Variants in TBC1D5 observed in about 807,000 individuals in gnomAD.
TBC1D5 encodes the protein TBC1 domain family member 5.
Under a neutral mutation model 100.3 loss-of-function variants are expected in TBC1D5, and 75 were observed. The ratio of observed to expected loss-of-function variants is 0.75; its 90% confidence interval spans 0.62 to 0.91. The LOEUF is 0.91. TBC1D5 is among the 40% of genes least tolerant of loss of function. The pLI, the probability that TBC1D5 is intolerant of heterozygous loss-of-function variation, is 0.00. For missense variants in TBC1D5, 910 were observed against 942.4 expected, an observed-to-expected ratio of 0.97 and a Z score of 0.45; for synonymous variants, 323 against 325.6, an observed-to-expected ratio of 0.99 and a Z score of 0.09.
rs113865444 is a variant in TBC1D5, at chr3:17,433,932, G to A, written c.98-5413C>T. ...CCCCATGCAAGTCCAAAATCCAAGA[G>A]GCAGTAATTAAACTGTAAAGTACCA... On this transcript the variant is annotated intron_variant, in intron 3 of 21. Coordinates refer to ENST00000253692, the Ensembl canonical transcript of TBC1D5. 2.2e-3 allele frequency among the ~76,000 whole-genome samples: 332 copies of A among 152,254 alleles called. 3 individuals carry two copies. The highest frequency in any genetic ancestry group is 3.7e-3 in the Non-Finnish European group (249 of 68,014).
chr3:17,675,131 G>A (rs2153794777), intron 1 of TBC1D5, among the ~76,000 whole-genome samples: 1 of 152,094 alleles, frequency 6.6e-6, no homozygotes, highest in African/African-American at 2.4e-5. Flanking sequence ...GTAATTCTAT[G>A]CAACTTTAAG....
At chr3:17,725,715 G>T (rs762547536) in intron 1 of TBC1D5, among the ~76,000 whole-genome samples, 2 of 152,102 alleles carry the variant, frequency 1.3e-5, no homozygotes, top group Non-Finnish European at 1.5e-5. Context: ...CTGGTAATTT[G>T]TTTTTTAATT....
intron 1 of TBC1D5, among the ~76,000 whole-genome samples, chr3:17,654,997 A>C (rs13064990): frequency 9.5e-5 from 14 of 147,666 alleles, no homozygotes; most frequent in African/African-American, 3.4e-4. Flanking sequence ...CTGTGGGATC[A>C]GTGGTGATAT....
intron 1 of TBC1D5, among the ~76,000 whole-genome samples, chr3:17,724,305 G>C (rs2075946485): frequency 6.6e-6 from 1 of 151,998 alleles, no homozygotes; most frequent in African/African-American, 2.4e-5. Flanking sequence ...ATGCTGTCCA[G>C]GTTGGTCTCA....
At chr3:17,261,484 T>TG (rs537766391) in intron 15 of TBC1D5, among the ~76,000 whole-genome samples, 62 of 6,996 alleles carry the variant, frequency 8.9e-3, no homozygotes, top group Non-Finnish European at 0.013. Context: ...TGGGGTGGGG[T>TG]GGGGGGGGAG....
In TBC1D5 at chr3:17,532,488, G is replaced by A. The variant is rs775871888; in HGVS notation, c.-35-23883C>T. ...TGACCCAGCCATCCCATTACTGGGT[G>A]TATACCCAAAGGATTATAAATCATG... is the stretch of plus-strand genomic sequence containing the variant. On this transcript the variant is annotated intron_variant, in intron 2 of 21. Coordinates refer to ENST00000253692, the Ensembl canonical transcript of TBC1D5. 9.5e-4 allele frequency among the ~76,000 whole-genome samples: 145 copies of A among 152,140 alleles called. 1 individual carries two copies. The highest frequency in any genetic ancestry group is 2.9e-3 in the African/African-American group (122 of 41,450).
chr3:17,388,756 G>A (rs1342873035), intron 8 of TBC1D5, among the ~76,000 whole-genome samples: 1 of 151,598 alleles, frequency 6.6e-6, no homozygotes, highest in East Asian at 1.9e-4. Context: ...CCAGCTAATT[G>A]GGAAGCTGAG....
intron 1 of TBC1D5, among the ~76,000 whole-genome samples, chr3:17,712,825 A>G (rs545478188): frequency 6.6e-6 from 1 of 152,240 alleles, no homozygotes; most frequent in Admixed American, 6.5e-5. Flanking sequence ...CCCTGGAATC[A>G]GCATTTTAAG....
intron 2 of TBC1D5, among the ~76,000 whole-genome samples, chr3:17,518,191 C>T (rs1014908914): frequency 6.6e-6 from 1 of 152,144 alleles, no homozygotes; most frequent in Non-Finnish European, 1.5e-5. Flanking sequence ...CCCGACAAAA[C>T]CCCACCTTCA....
chr3:17,274,483 T>TA (rs2079767022), intron 15 of TBC1D5, among the ~76,000 whole-genome samples: 1 of 152,188 alleles, frequency 6.6e-6, no homozygotes, highest in Non-Finnish European at 1.5e-5. Flanking sequence ...GATTATCTTG[T>TA]AAGTGGAATA....
chr3:17,294,461 C>A (rs984642279), intron 14 of TBC1D5, among the ~76,000 whole-genome samples: 2 of 152,114 alleles, frequency 1.3e-5, no homozygotes, highest in East Asian at 3.8e-4. Context: ...GTAGAACAGA[C>A]TGATTTAGAT....
intron 17 of TBC1D5, among the ~76,000 whole-genome samples, chr3:17,214,935 C>T (rs2073444782): frequency 6.6e-6 from 1 of 152,014 alleles, no homozygotes; most frequent in Non-Finnish European, 1.5e-5. Context: ...AGTGCTAAGG[C>T]CCTAATGCAG....
intron 18 of TBC1D5, among the ~76,000 whole-genome samples, chr3:17,197,707 T>C (rs2070887719): frequency 1.3e-5 from 2 of 152,136 alleles, no homozygotes; most frequent in Non-Finnish European, 2.9e-5. Flanking sequence ...TTGCATAGCA[T>C]AGTGATTTTG....
chr3:17,478,680 T>C (rs578096133), intron 3 of TBC1D5, among the ~76,000 whole-genome samples: 2 of 152,320 alleles, frequency 1.3e-5, no homozygotes, highest in African/African-American at 4.8e-5. Context: ...GTTACTTGTC[T>C]TGGCCAAGAA....
chr3:17,289,867 A>G (rs532485232), intron 15 of TBC1D5, among the ~76,000 whole-genome samples: 6 of 152,282 alleles, frequency 3.9e-5, no homozygotes, highest in African/African-American at 1.4e-4. Context: ...CCATATTAAC[A>G]CACGTGTCAA....
At chr3:17,529,907 C>G (rs1453675050) in intron 2 of TBC1D5, among the ~76,000 whole-genome samples, 4 of 152,092 alleles carry the variant, frequency 2.6e-5, no homozygotes, top group Non-Finnish European at 5.9e-5. Context: ...AACGGGTTAA[C>G]TATGCATTTT....
chr3:17,349,079 T>C (rs985592271), intron 13 of TBC1D5, among the ~76,000 whole-genome samples: 10 of 152,316 alleles, frequency 6.6e-5, no homozygotes, highest in Admixed American at 3.9e-4. Flanking sequence ...TAATGGCATC[T>C]GATGGAAATT....
intron 15 of TBC1D5, among the ~76,000 whole-genome samples, chr3:17,291,223 T>C (rs574311472): frequency 1.3e-5 from 2 of 152,334 alleles, no homozygotes; most frequent in African/African-American, 4.8e-5. Context: ...GGCTCAAAAG[T>C]AGCAAGGATT....
chr3:17,349,475 T>C (rs2090301508), intron 13 of TBC1D5, among the ~76,000 whole-genome samples: 1 of 152,218 alleles, frequency 6.6e-6, no homozygotes, highest in South Asian at 2.1e-4. Context: ...GGGCTTTCAT[T>C]TGAGTGATAC....
Sources: gnomAD v4.1 joint callset for allele counts (sites outside exome capture counted in the v4.1 genomes callset) on GRCh38, gnomAD v4.1.1 for gene constraint, MANE v1.5 for transcripts, NCBI Gene and HGNC (gene_info 2026-07-23, HGNC 2026-07-21) for gene names.